The following MCC variants were observed in gnomAD, a reference collection of about 807,000 sequenced individuals.
MCC encodes MCC regulator of Wnt signaling pathway, also known as colorectal mutant cancer protein.
In MCC, 90 loss-of-function variants were observed where a neutral mutation model predicts 116.2. The observed-to-expected ratio is 0.77, with a 90% CI of 0.65 to 0.92. MCC has a LOEUF of 0.92. Among genes scored for constraint, MCC ranks in the 40% least tolerant of loss-of-function variants. The pLI, the probability that MCC is intolerant of heterozygous loss-of-function variation, is 0.00. For synonymous variants in MCC, 578 were observed against 510.5 expected (o/e 1.13, Z -1.78); for missense variants, 1,516 against 1,312.2 (o/e 1.16, Z -2.40).
At chr5:113,400,938 C>G (rs1365271271) in intron 1 of MCC, among the ~76,000 whole-genome samples, 1 of 152,142 alleles carries the variant, frequency 6.6e-6, no homozygotes, top group Non-Finnish European at 1.5e-5. Context: ...ATATCAGTGT[C>G]CTTCCAAAAA....
At chr5:113,112,781 A>T (rs76159029) in intron 6 of MCC, among the ~76,000 whole-genome samples, 19 of 152,234 alleles carry the variant, frequency 1.2e-4, no homozygotes, top group Non-Finnish European at 2.5e-4. Flanking sequence ...TGCTCTACAA[A>T]CACTGGATGA....
At chr5:113,084,263 T>C (rs937186696) in intron 9 of MCC, 73 bp from the exon 10 acceptor site, 3 of 1,153,854 alleles carry the variant, frequency 2.6e-6, no homozygotes, top group African/African-American at 1.5e-5. Flanking sequence ...ACTACGCTTA[T>C]ACAGGGCTAC....
chr5:113,178,327 A>C (rs1003549903), intron 3 of MCC, among the ~76,000 whole-genome samples: 7 of 152,214 alleles, frequency 4.6e-5, no homozygotes, highest in African/African-American at 1.4e-4. Flanking sequence ...CAAGGTGGCT[A>C]GGGGTCAGAT....
At chr5:113,481,476 C>T (rs1237018820) in intron 1 of MCC, among the ~76,000 whole-genome samples, 1 of 152,140 alleles carries the variant, frequency 6.6e-6, no homozygotes, top group East Asian at 1.9e-4. Context: ...CGGTGGCTCA[C>T]ACCTGTAATC....
At position 113,385,000 on chromosome 5, in the gene MCC, G is replaced by C. The variant is rs758742473; in HGVS notation, c.383C>G (p.Ala128Gly). Residue 128 changes from alanine to glycine, a missense_variant, in exon 2 of 19, where the codon GCT becomes GGT. Ala to Gly is a moderately conservative substitution (Grantham distance 60). Transcript: ENST00000408903. ...GTTGTCACTGCTCGTGGGCCAGGAA[G>C]CAATTCTATCCCTCAGCTTCTTTGT... ...SCTKKLRDRI[A>G]SWPTSSDNSL... 3 of 1,614,106 alleles carry C rather than the reference G, an allele frequency of 1.9e-6. No homozygotes were observed. Among genetic ancestry groups the C allele is most frequent in the Middle Eastern group, 1.6e-4 (1 of 6,084 alleles).
intron 3 of MCC, among the ~76,000 whole-genome samples, chr5:113,257,232 T>G (rs1349923632): frequency 6.6e-6 from 1 of 152,122 alleles, no homozygotes; most frequent in Non-Finnish European, 1.5e-5. Flanking sequence ...CCTGGCCCAG[T>G]CTGGTGTGTG....
chr5:113,134,883 GCATC>G (rs1483619187), intron 5 of MCC, among the ~76,000 whole-genome samples: 7 of 151,158 alleles, frequency 4.6e-5, no homozygotes, highest in Non-Finnish European at 8.8e-5. Flanking sequence ...CCACTTGTTT[GCATC>G]CTCTCCAGTT....
intron 17 of MCC, among the ~76,000 whole-genome samples, chr5:113,042,106 G>C (rs1407971406): frequency 7.9e-5 from 12 of 152,008 alleles, no homozygotes; most frequent in Admixed American, 7.9e-4. Flanking sequence ...CACCAAGAAA[G>C]AGTCACAAAA....
intron 2 of MCC, among the ~76,000 whole-genome samples, chr5:113,356,220 A>G (rs1395771387): frequency 6.6e-6 from 1 of 151,618 alleles, no homozygotes; most frequent in Non-Finnish European, 1.5e-5. Flanking sequence ...AGTTTTTTAT[A>G]GAGACTGGGT....
chr5:113,060,876 T>A (rs533537995), intron 14 of MCC, among the ~76,000 whole-genome samples: 1 of 152,316 alleles, frequency 6.6e-6, no homozygotes, highest in East Asian at 1.9e-4. Context: ...GACACACAGA[T>A]GGAAAAGCAC....
rs141477866 is a variant in MCC, at chr5:113,040,143, C to T, written c.2756+3387G>A. 1.1e-4 allele frequency among the ~76,000 whole-genome samples: 17 copies of T among 151,680 alleles called. No homozygotes were observed. In the East Asian group the frequency reaches 1.4e-3, roughly 12 times the overall value. On this transcript the variant is annotated intron_variant, in intron 17 of 18. Coordinates refer to ENST00000408903, the MANE Select transcript of MCC (RefSeq NM_001085377.2). ...TAAATGTTCACCGAAGTAGGGGGAA[C>T]GAAATCAGACCAGATGGGAGTTATA... is the stretch of plus-strand genomic sequence containing the variant.
intron 3 of MCC, chr5:113,294,558 A>T: frequency 7.5e-7 from 1 of 1,336,702 alleles, no homozygotes; most frequent in East Asian, 2.9e-5. Flanking sequence ...ACTCTTAAAA[A>T]GAGCAGCCGT....
chr5:113,193,162 C>CG (rs1383924746), intron 3 of MCC, among the ~76,000 whole-genome samples: 2 of 152,148 alleles, frequency 1.3e-5, no homozygotes, highest in African/African-American at 2.4e-5. Context: ...TCTTTGCTTC[C>CG]GTTATGACAT....
At chr5:113,087,821 A>G (rs1755310171) in intron 8 of MCC, among the ~76,000 whole-genome samples, 1 of 151,898 alleles carries the variant, frequency 6.6e-6, no homozygotes, top group Non-Finnish European at 1.5e-5. Context: ...GATAAAAAAA[A>G]TCCTGGGCAA....
chr5:113,232,165 A>G (rs1375318041), intron 3 of MCC, among the ~76,000 whole-genome samples: 2 of 152,218 alleles, frequency 1.3e-5, no homozygotes, highest in Non-Finnish European at 2.9e-5. Flanking sequence ...GAATTTTCTA[A>G]ACTCCAGGGG....
In MCC at chr5:113,151,355, G is replaced by T; in HGVS notation, c.695C>A (p.Thr232Lys). 6.2e-7 allele frequency: 1 copy of T among 1,613,852 alleles called. No individual in the cohort carries two copies. Among genetic ancestry groups the T allele is most frequent in the Non-Finnish European group, 8.5e-7 (1 of 1,179,858 alleles). ...TTCCAGAAGGTCCCGTTCCCTCTCT[G>T]TTTGCTGGAGACGTTTATTAAGTTC... ...IVELNKRLQQ[T>K]ERERDLLEKK... The change falls in exon 4 of 19, where the codon ACA (threonine) becomes AAA (lysine). Residue 232 changes from threonine (T) to lysine (K), a missense_variant. Physicochemically the swap from Thr to Lys is moderately conservative, Grantham distance 78. Coordinates refer to ENST00000408903, the MANE Select transcript of MCC (RefSeq NM_001085377.2).
At chr5:113,319,647 A>T (rs1020377693) in intron 3 of MCC, among the ~76,000 whole-genome samples, 4 of 152,216 alleles carry the variant, frequency 2.6e-5, no homozygotes, top group Non-Finnish European at 5.9e-5. Context: ...TGCATGGCTC[A>T]ATTAAATTTT....
In MCC at chr5:113,049,199, T is replaced by G; in HGVS notation, c.2549A>C (p.Tyr850Ser). 6.2e-7 allele frequency: 1 copy of G among 1,614,186 alleles called. No homozygotes were observed. Among genetic ancestry groups the G allele is most frequent in the Non-Finnish European group, 8.5e-7 (1 of 1,180,020 alleles). ...CTTCAGGTGCTCAATGTGCACCAGG[T>G]AGGCCTGCTCCTGGGCCTCCCGCGT... Reference protein sequence around the residue: ...LSTREAQEQAYLVHIEHLKSE... With the variant: ...LSTREAQEQASLVHIEHLKSE... Residue 850 changes from tyrosine to serine, a missense_variant, in exon 16 of 19, where the codon TAC (tyrosine) becomes TCC (serine). Transcript: ENST00000408903.
At chr5:113,239,412 T>G (rs982198623) in intron 3 of MCC, among the ~76,000 whole-genome samples, 1 of 151,916 alleles carries the variant, frequency 6.6e-6, no homozygotes, top group Admixed American at 6.6e-5. Context: ...CTCCAGGGGG[T>G]CCTCGCATGC....
Sources: gnomAD v4.1 joint callset for allele counts (sites outside exome capture counted in the v4.1 genomes callset) on GRCh38, gnomAD v4.1.1 for gene constraint, MANE v1.5 for transcripts, NCBI Gene and HGNC (gene_info 2026-07-23, HGNC 2026-07-21) for gene names.